TMEM117: variants seen among roughly 807,000 people sequenced by gnomAD.
TMEM117 encodes the protein transmembrane protein 117.
Under a neutral mutation model 52.4 loss-of-function variants are expected in TMEM117, and 27 were observed. That is an observed-to-expected ratio of 0.51 (90% CI 0.38 to 0.71). The LOEUF is 0.71. Among genes scored for constraint, TMEM117 ranks in the 30% least tolerant of loss-of-function variants. The pLI is 0.00. For missense variants in TMEM117, 556 were observed against 630.5 expected (o/e 0.88, Z 1.26); for synonymous variants, 215 against 206.3 (o/e 1.04, Z -0.36).
intron 5 of TMEM117, among the ~76,000 whole-genome samples, chr12:44,250,572 A>G (rs1950185043): frequency 6.6e-6 from 1 of 152,206 alleles, no homozygotes; most frequent in Admixed American, 6.5e-5. Context: ...ACAATAGCAA[A>G]GACTTGGAAC....
intron 3 of TMEM117, among the ~76,000 whole-genome samples, chr12:43,987,059 T>C (rs1005069962): frequency 2.0e-5 from 3 of 152,210 alleles, no homozygotes; most frequent in African/African-American, 4.8e-5. Flanking sequence ...TATATTTGGC[T>C]ACAGGGTCTT....
the TMEM117 span, among the ~76,000 whole-genome samples, chr12:43,816,229 G>A: frequency 6.6e-6 from 1 of 152,162 alleles, no homozygotes. Context: ...TGGGCAAGGT[G>A]TTCTGTTCTG....
At chr12:43,914,753 G>A (rs1200687546) in intron 2 of TMEM117, among the ~76,000 whole-genome samples, 3 of 152,142 alleles carry the variant, frequency 2.0e-5, no homozygotes, top group African/African-American at 4.8e-5. Context: ...TGACCAAAAA[G>A]CATTTGGGTA....
chr12:44,097,602 A>T (rs975326217), intron 3 of TMEM117, among the ~76,000 whole-genome samples: 3 of 151,832 alleles, frequency 2.0e-5, no homozygotes, highest in African/African-American at 7.3e-5. Flanking sequence ...ATTCTTAGCA[A>T]ACTATTGCAA....
rs1365996342 is a variant in TMEM117, at chr12:43,865,651, C to T, written c.277+20723C>T. ...GGTGGAGGTTGTAGTGAGCTGATAT[C>T]GCACCACTGCACTCCAGCCTGGGTG... On this transcript the variant is annotated intron_variant, in intron 2 of 7. Transcript: ENST00000266534. 4.0e-5 allele frequency among the ~76,000 whole-genome samples: 6 copies of T among 151,164 alleles called. 1 individual carries two copies. Among genetic ancestry groups the T allele is most frequent in the Admixed American group, 6.6e-5 (1 of 15,152 alleles).
Position 44,299,636 on chromosome 12 carries a change from T to A in TMEM117, c.665T>A (p.Ile222Asn), listed in dbSNP as rs941311677. The change falls in exon 6 of 8, where the codon ATC (isoleucine) becomes AAC (asparagine). Residue 222 changes from isoleucine (I) to asparagine (N), a missense_variant. Around this residue, in one of 3 missense-constraint regions of TMEM117, gnomAD observed 328 missense variants for 371.4 expected, o/e 0.88. Transcript: ENST00000266534. ...VVVLVITTDW[I>N]SWDKLNRGFL... ...GTACTTGTGATTACAACGGACTGGA[T>A]CAGCTGGGACAAGCTGAATCGGGGA... 2 of 1,614,086 alleles carry A rather than the reference T, an allele frequency of 1.2e-6. No individual in the cohort carries two copies. Among genetic ancestry groups the A allele is most frequent in the African/African-American group, 1.3e-5 (1 of 74,938 alleles).
intron 3 of TMEM117, among the ~76,000 whole-genome samples, chr12:44,031,828 T>C (rs553355018): frequency 6.6e-6 from 1 of 152,330 alleles, no homozygotes; most frequent in African/African-American, 2.4e-5. Flanking sequence ...TGATTCCTTT[T>C]ATAACAGGAC....
chr12:44,316,160 G>A (rs920243694), intron 6 of TMEM117, among the ~76,000 whole-genome samples: 1 of 152,012 alleles, frequency 6.6e-6, no homozygotes, highest in African/African-American at 2.4e-5. Context: ...TGCTCTATAG[G>A]GTCTGTGAAC....
intron 2 of TMEM117, among the ~76,000 whole-genome samples, chr12:43,853,226 T>C (rs558526568): frequency 1.3e-5 from 2 of 152,318 alleles, no homozygotes; most frequent in Admixed American, 6.5e-5. Flanking sequence ...ATACATTTGA[T>C]TGAATAAATA....
chr12:43,848,738 A>T (rs1305519759), intron 2 of TMEM117, among the ~76,000 whole-genome samples: 2 of 152,242 alleles, frequency 1.3e-5, no homozygotes, highest in Admixed American at 6.5e-5. Flanking sequence ...TAACAGGATT[A>T]AGAGATTAAA....
chr12:44,081,665 T>C (rs946886629), intron 3 of TMEM117, among the ~76,000 whole-genome samples: 2 of 152,138 alleles, frequency 1.3e-5, no homozygotes, highest in African/African-American at 2.4e-5. Flanking sequence ...TTATTGATTA[T>C]AATTATTTTT....
At chr12:44,309,552 G>A (rs1433140311) in intron 6 of TMEM117, among the ~76,000 whole-genome samples, 4 of 152,084 alleles carry the variant, frequency 2.6e-5, no homozygotes, top group African/African-American at 9.7e-5. Context: ...GACAGGAGTT[G>A]AGGGAGGGAA....
chr12:43,827,875 C>T, the TMEM117 span, among the ~76,000 whole-genome samples: 2 of 152,132 alleles, frequency 1.3e-5, no homozygotes, highest in Non-Finnish European at 2.9e-5. Context: ...AACAATGTGC[C>T]TTTCTAAGAG....
chr12:44,147,632 A>G (rs1948662368), intron 4 of TMEM117, among the ~76,000 whole-genome samples: 1 of 152,022 alleles, frequency 6.6e-6, no homozygotes, highest in South Asian at 2.1e-4. Flanking sequence ...AAACTGAGCC[A>G]TGACCTAAGA....
intron 3 of TMEM117, among the ~76,000 whole-genome samples, chr12:44,001,762 T>A (rs1373619935): frequency 1.3e-5 from 2 of 152,038 alleles, no homozygotes; most frequent in African/African-American, 2.4e-5. Context: ...GGAGTGGGAC[T>A]TCAAGGGTAT....
chr12:44,196,681 G>A (rs1949425260), intron 4 of TMEM117, among the ~76,000 whole-genome samples: 1 of 152,048 alleles, frequency 6.6e-6, no homozygotes, highest in Admixed American at 6.5e-5. Context: ...TTTTACAAAG[G>A]TACACATTTA....
chr12:44,269,835 A>T (rs987534740), intron 5 of TMEM117, among the ~76,000 whole-genome samples: 3 of 152,128 alleles, frequency 2.0e-5, no homozygotes, highest in Non-Finnish European at 4.4e-5. Flanking sequence ...AGCAGAGAAA[A>T]TTATTGTCAA....
At chr12:43,805,488 G>A in the TMEM117 span, 10 of 454,232 alleles carry the variant, frequency 2.2e-5, no homozygotes, top group Admixed American at 9.4e-5. Context: ...CGAGTAACCC[G>A]GGGATATATT....
intron 5 of TMEM117, among the ~76,000 whole-genome samples, chr12:44,218,215 C>T (rs961617988): frequency 6.7e-6 from 1 of 148,728 alleles, no homozygotes; most frequent in Non-Finnish European, 1.5e-5. Context: ...CAGAGTAAGG[C>T]TCCGTCAAAA....
Sources: gnomAD v4.1 joint callset for allele counts (sites outside exome capture counted in the v4.1 genomes callset) on GRCh38, gnomAD v4.1.1 for gene constraint, gnomAD v4.1.1 regional missense constraint, MANE v1.5 for transcripts, NCBI Gene and HGNC (gene_info 2026-07-23, HGNC 2026-07-21) for gene names.